NAA16: variants seen among roughly 807,000 people sequenced by gnomAD.
The protein encoded by NAA16 is N-alpha-acetyltransferase 16, NatA auxiliary subunit.
In NAA16, 97 loss-of-function variants were observed where a neutral mutation model predicts 110.3. The ratio of observed to expected loss-of-function variants is 0.88; its 90% CI spans 0.75 to 1.04. The LOEUF (loss-of-function observed/expected upper bound fraction) is 1.04. Ranked by LOEUF, NAA16 falls within the 50% of genes least tolerant of loss-of-function variation. NAA16 has a pLI of 0.00. For synonymous variants in NAA16, 372 were observed against 330.6 expected, an observed-to-expected ratio of 1.13 and a Z score of -1.36; for missense variants, 1,017 against 1,005.1, an observed-to-expected ratio of 1.01 and a Z score of -0.16.
intron 5 of NAA16, among the ~76,000 whole-genome samples, chr13:41,323,922 A>G (rs909660705): frequency 6.6e-6 from 1 of 152,088 alleles, no homozygotes; most frequent in Non-Finnish European, 1.5e-5. Flanking sequence ...CTGTCATTTC[A>G]TAATCTTGAC....
At chr13:41,367,313 G>A in intron 13 of NAA16, 126 bp from the exon 14 acceptor site, 1 of 613,424 alleles carries the variant, frequency 1.6e-6, no homozygotes, top group Non-Finnish European at 2.8e-6. Flanking sequence ...AAACATTGGA[G>A]AGGGCAGCTA....
At chr13:41,369,385 G>T in intron 15 of NAA16, 102 bp downstream of exon 15, 1 of 1,186,254 alleles carries the variant, frequency 8.4e-7, no homozygotes. Context: ...GAAGCCATTT[G>T]AAATATTTCA....
chr13:41,354,348 TG>T (rs2042924100), intron 9 of NAA16, among the ~76,000 whole-genome samples: 1 of 152,202 alleles, frequency 6.6e-6, no homozygotes, highest in Non-Finnish European at 1.5e-5. Context: ...TTATATTAAA[TG>T]GTATGCGTGA....
chr13:41,311,454 G>A lies in NAA16; in HGVS notation c.-75G>A. 7.0e-7 allele frequency: 1 copy of A among 1,437,394 alleles called. No individual in the cohort carries two copies. The highest frequency in any genetic ancestry group is 9.6e-7 in the Non-Finnish European group (1 of 1,045,102). 89.0% of individuals were successfully genotyped at this position (1,437,394 alleles called of 1,614,324 possible). On this transcript the variant is annotated 5_prime_UTR_variant, in exon 1 of 20. It adds an upstream start codon to the 5' untranslated region. Transcript: ENST00000379406. ...CGACTCTCAGCAGCGGTTCGTCCCG[G>A]TGCCCACCCCCGCGAAGCGGAGCGC...
chr13:41,353,296 A>T (rs2042890455), intron 9 of NAA16, among the ~76,000 whole-genome samples: 1 of 152,206 alleles, frequency 6.6e-6, no homozygotes, highest in Admixed American at 6.5e-5. Flanking sequence ...TAAGTTTGTA[A>T]AAAAGGTTTT....
chr13:41,356,173 A>G (rs1220128377), intron 10 of NAA16, among the ~76,000 whole-genome samples: 1 of 150,284 alleles, frequency 6.7e-6, no homozygotes, highest in African/African-American at 2.5e-5. Flanking sequence ...GTGTGTGTGC[A>G]TACGCGCGCA....
In NAA16 at chr13:41,355,023, T is replaced by G; in HGVS notation, c.1015-121T>G. 1.0e-5 allele frequency: 6 copies of G among 602,788 alleles called. No individual in the cohort carries two copies. In the South Asian group the frequency reaches 1.2e-4, roughly 12 times the overall value. 37.3% of individuals were successfully genotyped at this position (602,788 alleles called of 1,614,324 possible). A position where few individuals can be genotyped will look rare whatever the true frequency, so the allele number is the denominator to read the frequency against. ...TGGGGACAAAGCAGATACCCTAGTC[T>G]TTTAATTAATTTATAGTTCTGAAAT... On this transcript the variant is annotated intron_variant, in intron 9 of 19. Coordinates refer to ENST00000379406, the MANE Select transcript of NAA16 (RefSeq NM_024561.5).
intron 10 of NAA16, among the ~76,000 whole-genome samples, chr13:41,358,079 G>A (rs2043032383): frequency 6.6e-6 from 1 of 152,184 alleles, no homozygotes; most frequent in South Asian, 2.1e-4. Context: ...TTTGGAGTGA[G>A]ATTGGGGTTA....
At chr13:41,360,434 A>C (rs2043089305) in intron 12 of NAA16, among the ~76,000 whole-genome samples, 1 of 152,202 alleles carries the variant, frequency 6.6e-6, no homozygotes, top group Non-Finnish European at 1.5e-5. Context: ...AAAGAAGTTC[A>C]GTGATTTTTA....
At position 41,361,291 on chromosome 13, in the gene NAA16, T is replaced by A. The variant is rs2043107645; in HGVS notation, c.1411-740T>A. ...AGAGTTGTCATGAAACAGGTGATGC[T>A]GATAGAAGCAGACACATGGGCACAA... On this transcript the variant is annotated intron_variant, in intron 12 of 19. Transcript: ENST00000379406. Among the ~76,000 whole-genome samples the A allele has an allele frequency of 4.6e-5, 7 of 152,262 alleles. No homozygotes were observed. In the South Asian group the frequency reaches 1.4e-3, roughly 32 times the overall value.
At chr13:41,331,834 C>T (rs778515461) in intron 8 of NAA16, among the ~76,000 whole-genome samples, 5 of 152,130 alleles carry the variant, frequency 3.3e-5, no homozygotes, top group South Asian at 2.1e-4. Context: ...GTAATCGAGG[C>T]GATAGGTACC....
chr13:41,350,785 T>C (rs967845617), intron 9 of NAA16, among the ~76,000 whole-genome samples: 1 of 152,068 alleles, frequency 6.6e-6, no homozygotes, highest in Non-Finnish European at 1.5e-5. Flanking sequence ...TACACCCAGC[T>C]AACTTTTGTT....
intron 9 of NAA16, among the ~76,000 whole-genome samples, chr13:41,349,913 A>G (rs1368243230): frequency 6.6e-6 from 1 of 151,550 alleles, no homozygotes; most frequent in African/African-American, 2.4e-5. Flanking sequence ...GTGAGCTGAG[A>G]TCGCACCATT....
At chr13:41,322,702 A>G (rs1380109420) in intron 4 of NAA16, among the ~76,000 whole-genome samples, 1 of 152,194 alleles carries the variant, frequency 6.6e-6, no homozygotes, top group Non-Finnish European at 1.5e-5. Context: ...TGTAATTCAT[A>G]TAATAGTTTT....
chr13:41,311,297 T>A lies in NAA16; in HGVS notation c.-232T>A. ...GCGCGGGAACCGCCGCCGCCGCCGC[T>A]GGCCAAAAAGCGGAGCCCAGGGGAA... On this transcript the variant is annotated 5_prime_UTR_variant, in exon 1 of 20. Transcript: ENST00000379406. 2 of 546,104 alleles carry A rather than the reference T, an allele frequency of 3.7e-6. No individual in the cohort carries two copies. The highest frequency in any genetic ancestry group is 4.7e-5 in the South Asian group (2 of 42,652). The allele number at this position is 546,104 out of a possible 1,614,324, so 33.8% of individuals were successfully genotyped here.
rs1348607960 is a variant in NAA16 at position 41,323,059 on chromosome 13, A to G, written c.406A>G (p.Thr136Ala). ...CAAGTTAAAACTTTTTTTTTAGGAG[A>G]CAAGATACCAGCTTCTTCAGTTGCG... The part of the protein sequence containing the change: ...QMRDLEGYRE[T>A]RYQLLQLRPT... The change falls in exon 5 of 20, where the codon ACA (threonine) becomes GCA (alanine). Residue 136 changes from threonine to alanine, a missense_variant. Physicochemically the swap from Thr to Ala is moderately conservative, Grantham distance 58 (BLOSUM62 0). Coordinates refer to ENST00000379406, the MANE Select transcript of NAA16 (RefSeq NM_024561.5). 3.1e-6 allele frequency: 5 copies of G among 1,612,304 alleles called. No individual in the cohort carries two copies. Among genetic ancestry groups the G allele is most frequent in the Non-Finnish European group, 4.2e-6 (5 of 1,179,572 alleles).
At chr13:41,314,163 A>G (rs1273320181) in intron 1 of NAA16, among the ~76,000 whole-genome samples, 2 of 152,018 alleles carry the variant, frequency 1.3e-5, no homozygotes, top group African/African-American at 2.4e-5. Flanking sequence ...GGATTTAAAT[A>G]AAGAGTAAAT....
intron 9 of NAA16, among the ~76,000 whole-genome samples, chr13:41,338,913 TC>T (rs1261347967): frequency 1.3e-5 from 2 of 152,178 alleles, no homozygotes. Context: ...ACTGCACATT[TC>T]TAAGCAGCAG....
At chr13:41,372,334 T>C in intron 16 of NAA16, 23 bp downstream of exon 16, 3 of 1,555,250 alleles carry the variant, frequency 1.9e-6, no homozygotes, top group African/African-American at 1.4e-5. Flanking sequence ...TTGAGTTCAG[T>C]TTTTAATCTT....
Sources: allele counts gnomAD v4.1 joint callset (sites outside exome capture counted in the v4.1 genomes callset), GRCh38; gene constraint gnomAD v4.1.1; transcripts MANE v1.5; gene names NCBI Gene and HGNC (gene_info 2026-07-23, HGNC 2026-07-21).